Variants in IQCJ observed in about 807,000 individuals in gnomAD.
The protein encoded by IQCJ is IQ motif containing J.
IQCJ carries 9 observed loss-of-function variants against 11.0 expected under a neutral mutation model. That is an observed-to-expected ratio of 0.82 (90% CI 0.49 to 1.43). The LOEUF is 1.43. IQCJ is among the 40% of genes most tolerant of loss of function. The pLI, the probability that IQCJ is intolerant of heterozygous loss-of-function variation, is 0.00. For synonymous variants in IQCJ, 55 were observed against 51.3 expected (o/e 1.07, Z -0.31); for missense variants, 146 against 133.2 (o/e 1.10, Z -0.47).
intron 1 of IQCJ, chr3:159,069,845 G>C: frequency 3.0e-5 from 1 of 33,146 alleles, no homozygotes; most frequent in Non-Finnish European, 5.4e-5. Context: ...CTCCTTTCTT[G>C]TGTGTGTGTG....
chr3:159,262,658 A>G lies in IQCJ; in HGVS notation c.266A>G (p.Asn89Ser), dbSNP rs1184492365. Residue 89 changes from asparagine to serine, a missense_variant, in exon 4 of 4, where the codon AAC becomes AGC. Physicochemically the swap from Asn to Ser is conservative, Grantham distance 46. Transcript: ENST00000397832. Reference protein sequence around the residue: ...SEKLSSSVSMNTFSDSSTPVS... With the variant: ...SEKLSSSVSMSTFSDSSTPVS... ...AAGCTGAGCAGCTCTGTCAGCATGAACACCTTCTCCGACAGCAGCACACCC... is the reference window on the plus strand; with the variant it reads ...AAGCTGAGCAGCTCTGTCAGCATGAGCACCTTCTCCGACAGCAGCACACCC... The G allele has an allele frequency of 6.2e-7, 1 of 1,613,934 alleles. No homozygotes were observed.
Position 159,183,732 on chromosome 3 carries a change from T to C in IQCJ, c.10-62111T>C, listed in dbSNP as rs548850376. On this transcript the variant is annotated intron_variant, in intron 1 of 3. Transcript: ENST00000397832. Reference sequence around the variant, plus strand: ...TCTTTTTATACTGTCACAATACACATAAAAGGCAGTGTGGAGGATCAGGTG... The same window carrying C: ...TCTTTTTATACTGTCACAATACACACAAAAGGCAGTGTGGAGGATCAGGTG... 1.4e-4 allele frequency among the ~76,000 whole-genome samples: 21 copies of C among 152,288 alleles called. No individual in the cohort carries two copies. In the South Asian group the frequency reaches 2.3e-3, roughly 17 times the overall value.
intron 3 of IQCJ, among the ~76,000 whole-genome samples, chr3:159,253,409 CTT>C (rs1414090774): frequency 1.3e-5 from 2 of 152,066 alleles, no homozygotes; most frequent in African/African-American, 4.8e-5. Flanking sequence ...TTGAGAAAGA[CTT>C]TATTATAGAA....
At chr3:159,123,693 G>C (rs768149248) in intron 1 of IQCJ, among the ~76,000 whole-genome samples, 52 of 152,144 alleles carry the variant, frequency 3.4e-4, no homozygotes, top group Non-Finnish European at 7.4e-4. Flanking sequence ...CAAGGTCTTA[G>C]AATTCTACAT....
intron 3 of IQCJ, among the ~76,000 whole-genome samples, chr3:159,258,018 A>G (rs1166798907): frequency 6.6e-6 from 1 of 152,196 alleles, no homozygotes; most frequent in Non-Finnish European, 1.5e-5. Context: ...TGTAAAAAAG[A>G]TCATATTGAA....
intron 1 of IQCJ, among the ~76,000 whole-genome samples, chr3:159,103,354 T>C (rs1008431261): frequency 1.3e-5 from 2 of 152,198 alleles, no homozygotes; most frequent in Non-Finnish European, 2.9e-5. Flanking sequence ...TGCTTTCCCC[T>C]TTTAGGCACT....
chr3:159,211,183 G>A (rs1724930599), intron 1 of IQCJ, among the ~76,000 whole-genome samples: 1 of 152,078 alleles, frequency 6.6e-6, no homozygotes, highest in Non-Finnish European at 1.5e-5. Context: ...ATTGTATTGG[G>A]GGAGGTATTA....
chr3:159,169,837 G>A (rs1349958189), intron 1 of IQCJ, among the ~76,000 whole-genome samples: 1 of 152,114 alleles, frequency 6.6e-6, no homozygotes. Flanking sequence ...ACCTGCCTTT[G>A]ATTGTAGTTC....
intron 1 of IQCJ, among the ~76,000 whole-genome samples, chr3:159,075,610 T>C (rs1448614441): frequency 1.3e-5 from 2 of 152,054 alleles, no homozygotes; most frequent in African/African-American, 2.4e-5. Flanking sequence ...GACTTAGACA[T>C]AGGACAATGT....
intron 1 of IQCJ, among the ~76,000 whole-genome samples, chr3:159,093,743 G>A (rs78399320): frequency 0.016 from 2,427 of 151,966 alleles, 145 homozygotes; most frequent in African/African-American, 0.056. Context: ...CAATCATGGC[G>A]AAAGGGGAAG....
chr3:159,224,399 T>A (rs1428149766), intron 1 of IQCJ, among the ~76,000 whole-genome samples: 1 of 152,194 alleles, frequency 6.6e-6, no homozygotes, highest in East Asian at 1.9e-4. Flanking sequence ...AAGAACCACT[T>A]CATCCTGAAA....
At chr3:159,165,256 A>G (rs1048653410) in intron 1 of IQCJ, among the ~76,000 whole-genome samples, 1 of 152,192 alleles carries the variant, frequency 6.6e-6, no homozygotes, top group Admixed American at 6.5e-5. Context: ...TGAATGTTCT[A>G]TTTGCATGTC....
chr3:159,157,223 A>G (rs1448592445), intron 1 of IQCJ, among the ~76,000 whole-genome samples: 2 of 152,222 alleles, frequency 1.3e-5, no homozygotes, highest in Non-Finnish European at 2.9e-5. Context: ...AGGCTTTGGC[A>G]TTCATCACAC....
At chr3:159,084,027 A>G (rs934286882) in intron 1 of IQCJ, among the ~76,000 whole-genome samples, 4 of 152,096 alleles carry the variant, frequency 2.6e-5, no homozygotes, top group African/African-American at 7.2e-5. Context: ...ATAAAATTAT[A>G]TAGAACTAAA....
At chr3:159,118,662 C>G (rs1719171110) in intron 1 of IQCJ, among the ~76,000 whole-genome samples, 2 of 152,166 alleles carry the variant, frequency 1.3e-5, no homozygotes, top group Non-Finnish European at 2.9e-5. Context: ...ATGAGCTATA[C>G]TGCTCTTACC....
At chr3:159,215,788 G>A (rs1725191144) in intron 1 of IQCJ, among the ~76,000 whole-genome samples, 1 of 152,024 alleles carries the variant, frequency 6.6e-6, no homozygotes, top group South Asian at 2.1e-4. Context: ...TGAGAAGGAT[G>A]TGCTGGATGT....
At chr3:159,214,023 T>C (rs1195594445) in intron 1 of IQCJ, among the ~76,000 whole-genome samples, 1 of 152,184 alleles carries the variant, frequency 6.6e-6, no homozygotes, top group African/African-American at 2.4e-5. Flanking sequence ...CTTGACACAC[T>C]TTCCCTGGGA....
At chr3:159,212,959 T>G (rs1032915129) in intron 1 of IQCJ, among the ~76,000 whole-genome samples, 1 of 152,196 alleles carries the variant, frequency 6.6e-6, no homozygotes, top group East Asian at 1.9e-4. Flanking sequence ...TTTTCTTTTC[T>G]TTCTTTCTTT....
intron 1 of IQCJ, among the ~76,000 whole-genome samples, chr3:159,197,684 G>A (rs1406877739): frequency 1.3e-5 from 2 of 152,078 alleles, no homozygotes; most frequent in African/African-American, 4.8e-5. Flanking sequence ...TGCTTACAGG[G>A]CCAAGTAGGA....
Sources: allele counts gnomAD v4.1 joint callset (sites outside exome capture counted in the v4.1 genomes callset), GRCh38; gene constraint gnomAD v4.1.1; transcripts MANE v1.5; gene names NCBI Gene and HGNC (gene_info 2026-07-23, HGNC 2026-07-21).